Variants in FAM184B observed in about 807,000 individuals in gnomAD.
The protein encoded by FAM184B is protein FAM184B.
Under a neutral mutation model 135.9 loss-of-function variants are expected in FAM184B, and 111 were observed. That is an observed-to-expected ratio of 0.82 (90% CI 0.70 to 0.96). The LOEUF (loss-of-function observed/expected upper bound fraction) is 0.96, where lower values mean the gene tolerates loss of function less well. Among genes scored for constraint, FAM184B ranks in the 40% least tolerant of loss-of-function variants. FAM184B has a pLI of 0.00. For missense variants in FAM184B, 1,375 were observed against 1,323.9 expected, an observed-to-expected ratio of 1.04 and a Z score of -0.60; for synonymous variants, 552 against 524.8, an observed-to-expected ratio of 1.05 and a Z score of -0.71.
At chr4:17,752,127 G>C (rs1277222251) in intron 1 of FAM184B, among the ~76,000 whole-genome samples, 1 of 152,138 alleles carries the variant, frequency 6.6e-6, no homozygotes. Context: ...GCTGTACCAA[G>C]CTTGGAAGTC....
At chr4:17,690,387 G>C (rs929410598) in intron 6 of FAM184B, among the ~76,000 whole-genome samples, 1 of 152,154 alleles carries the variant, frequency 6.6e-6, no homozygotes, top group Non-Finnish European at 1.5e-5. Flanking sequence ...GAGCCTTGGA[G>C]GATAGTGGTA....
At chr4:17,726,663 C>T (rs1416212947) in intron 1 of FAM184B, among the ~76,000 whole-genome samples, 2 of 152,200 alleles carry the variant, frequency 1.3e-5, no homozygotes, top group Non-Finnish European at 2.9e-5. Context: ...TGAGCCACTG[C>T]GCCTGGCCAA....
At chr4:17,765,330 C>T (rs574463946) in intron 1 of FAM184B, among the ~76,000 whole-genome samples, 7 of 151,968 alleles carry the variant, frequency 4.6e-5, no homozygotes, top group South Asian at 2.1e-4. Context: ...AGGTGAATTC[C>T]GCTCACAGGA....
intron 2 of FAM184B, among the ~76,000 whole-genome samples, chr4:17,708,371 G>A (rs1717162505): frequency 6.6e-6 from 1 of 151,850 alleles, no homozygotes; most frequent in African/African-American, 2.4e-5. Context: ...TGGGTGGGGC[G>A]CAGTGGCTCG....
intron 11 of FAM184B, among the ~76,000 whole-genome samples, chr4:17,649,856 C>T (rs1231121247): frequency 9.8e-5 from 14 of 142,814 alleles, no homozygotes; most frequent in Non-Finnish European, 1.2e-4. Context: ...GTCCATCCAT[C>T]CATCCACCCA....
intron 5 of FAM184B, among the ~76,000 whole-genome samples, chr4:17,697,397 TAAAAG>T (rs995288404): frequency 1.2e-4 from 18 of 144,600 alleles, no homozygotes; most frequent in Non-Finnish European, 1.1e-4. Flanking sequence ...GTCAGTCACT[TAAAAG>T]AGAAGAAAAA....
intron 1 of FAM184B, among the ~76,000 whole-genome samples, chr4:17,744,281 A>G (rs113763669): frequency 1.4e-4 from 21 of 152,196 alleles, no homozygotes; most frequent in African/African-American, 5.1e-4. Context: ...AGAAGGTGCA[A>G]TAGACCAGGG....
At chr4:17,707,905 G>T in intron 2 of FAM184B, 121 bp from the exon 3 acceptor site, 1 of 1,044,024 alleles carries the variant, frequency 9.6e-7, no homozygotes, top group Non-Finnish European at 1.4e-6. Flanking sequence ...CCCTGAGTCA[G>T]TGGAATTCAG....
chr4:17,694,552 T>C (rs1716811723), intron 5 of FAM184B, among the ~76,000 whole-genome samples: 1 of 151,858 alleles, frequency 6.6e-6, no homozygotes, highest in African/African-American at 2.4e-5. Context: ...CATAGAGACC[T>C]AGGCTTTCTG....
intron 7 of FAM184B, among the ~76,000 whole-genome samples, chr4:17,688,129 G>A (rs6819132): frequency 3.9e-5 from 6 of 152,000 alleles, no homozygotes; most frequent in Non-Finnish European, 7.4e-5. Context: ...GGCCCTGCTC[G>A]AGTTGAGTGC....
chr4:17,694,890 CA>C (rs1156720786), intron 5 of FAM184B, among the ~76,000 whole-genome samples: 2 of 152,146 alleles, frequency 1.3e-5, no homozygotes, highest in African/African-American at 4.8e-5. Context: ...AAATGTTAGA[CA>C]ACTTGGCCAG....
intron 7 of FAM184B, among the ~76,000 whole-genome samples, chr4:17,668,643 C>T (rs1716105490): frequency 2.0e-5 from 3 of 152,202 alleles, no homozygotes; most frequent in Admixed American, 2.0e-4. Flanking sequence ...AGTGAGTCTC[C>T]TGCCTCAGCC....
intron 5 of FAM184B, among the ~76,000 whole-genome samples, chr4:17,699,394 A>G (rs1280545702): frequency 6.6e-6 from 1 of 152,108 alleles, no homozygotes; most frequent in African/African-American, 2.4e-5. Context: ...AAATCACATC[A>G]TGGCATATCA....
Position 17,750,079 on chromosome 4 carries a change from A to G in FAM184B, c.141+31080T>C, listed in dbSNP as rs73800387. 8.1e-3 allele frequency among the ~76,000 whole-genome samples: 1,240 copies of G among 152,196 alleles called. 18 individuals carry two copies. The highest frequency in any genetic ancestry group is 0.027 in the African/African-American group (1,134 of 41,536). On this transcript the variant is annotated intron_variant, in intron 1 of 17. Coordinates refer to ENST00000265018, the MANE Select transcript of FAM184B (RefSeq NM_015688.2). ...AGATCTGCATTAAAGCTTTTTTCCT[A>G]TTTTGGATTTTTCCCTTAGGACAGA...
intron 7 of FAM184B, among the ~76,000 whole-genome samples, chr4:17,668,190 T>C (rs994430744): frequency 2.0e-5 from 3 of 152,254 alleles, no homozygotes; most frequent in Non-Finnish European, 4.4e-5. Flanking sequence ...AGTTCACTTC[T>C]GTCCTTCTTT....
chr4:17,751,255 A>T (rs2108988298), intron 1 of FAM184B, among the ~76,000 whole-genome samples: 1 of 145,854 alleles, frequency 6.9e-6, no homozygotes, highest in Admixed American at 7.0e-5. Flanking sequence ...TTGCAGTAAG[A>T]GGAGATCCCA....
intron 13 of FAM184B, among the ~76,000 whole-genome samples, chr4:17,640,912 C>T (rs1041424827): frequency 2.0e-5 from 3 of 152,112 alleles, no homozygotes; most frequent in Non-Finnish European, 2.9e-5. Context: ...TACAACAGCC[C>T]TGACAGGCCA....
rs1714980392 is a variant in FAM184B at position 17,632,435 on chromosome 4, T to C, written c.*97A>G. 1.0e-6 allele frequency: 1 copy of C among 1,002,594 alleles called. No homozygotes were observed. Among genetic ancestry groups the C allele is most frequent in the Admixed American group, 2.6e-5 (1 of 38,524 alleles). 62.1% of individuals were successfully genotyped at this position (1,002,594 alleles called of 1,614,324 possible). On this transcript the variant is annotated 3_prime_UTR_variant, in exon 18 of 18. Coordinates refer to ENST00000265018, the MANE Select transcript of FAM184B (RefSeq NM_015688.2). ...AGCTATCATATATAAATCATAAGCATATTATTTGGTTGGTTGGTGTTAGTT... is the reference window on the plus strand; with the variant it reads ...AGCTATCATATATAAATCATAAGCACATTATTTGGTTGGTTGGTGTTAGTT...
intron 1 of FAM184B, among the ~76,000 whole-genome samples, chr4:17,763,892 A>AC (rs1191304110): frequency 6.6e-6 from 1 of 152,148 alleles, no homozygotes; most frequent in Non-Finnish European, 1.5e-5. Flanking sequence ...AGGCACACCT[A>AC]CTTTTTTTTT....
Sources: gnomAD v4.1 joint callset for allele counts (sites outside exome capture counted in the v4.1 genomes callset) on GRCh38, gnomAD v4.1.1 for gene constraint, MANE v1.5 for transcripts, NCBI Gene and HGNC (gene_info 2026-07-23, HGNC 2026-07-21) for gene names.